Variants in ENTREP2 observed in about 807,000 individuals in gnomAD.
The protein encoded by ENTREP2 is endosomal transmembrane epsin interactor 2, also known as protein ENTREP2.
the ENTREP2 span, among the ~76,000 whole-genome samples, chr15:29,158,970 G>A: frequency 2.6e-5 from 4 of 152,320 alleles, no homozygotes; most frequent in East Asian, 5.8e-4. Flanking sequence ...ACAGAGAAAA[G>A]CGACAGCAAT....
At chr15:29,168,821 G>C in the ENTREP2 span, among the ~76,000 whole-genome samples, 2 of 152,092 alleles carry the variant, frequency 1.3e-5, no homozygotes, top group Non-Finnish European at 2.9e-5. Flanking sequence ...TTTAACTCTG[G>C]GCAAGGACCC....
the ENTREP2 span, among the ~76,000 whole-genome samples, chr15:29,207,605 C>T: frequency 6.6e-6 from 1 of 152,076 alleles, no homozygotes; most frequent in Non-Finnish European, 1.5e-5. Context: ...CTGATTAGTG[C>T]ATTTTACAGA....
At chr15:29,395,866 A>T in the ENTREP2 span, among the ~76,000 whole-genome samples, 1 of 151,990 alleles carries the variant, frequency 6.6e-6, no homozygotes, top group Admixed American at 6.6e-5. Flanking sequence ...CTCCTTAAGG[A>T]TTAGTGATGT....
chr15:29,371,206 AG>A, the ENTREP2 span, among the ~76,000 whole-genome samples: 1 of 152,114 alleles, frequency 6.6e-6, no homozygotes, highest in Non-Finnish European at 1.5e-5. Context: ...TTCATCCCCC[AG>A]GAAGACTAAA....
the ENTREP2 span, among the ~76,000 whole-genome samples, chr15:29,289,289 G>A: frequency 6.6e-6 from 1 of 151,834 alleles, no homozygotes; most frequent in Admixed American, 6.6e-5. Flanking sequence ...GCATCTAAAT[G>A]TCAAGTAAGC....
the ENTREP2 span, among the ~76,000 whole-genome samples, chr15:29,260,987 AC>A: frequency 6.6e-6 from 1 of 152,212 alleles, no homozygotes; most frequent in Non-Finnish European, 1.5e-5. Flanking sequence ...ACAAGACTTA[AC>A]AAAATCATAA....
chr15:29,669,066 C>A, the ENTREP2 span, among the ~76,000 whole-genome samples: 1 of 152,102 alleles, frequency 6.6e-6, no homozygotes, highest in South Asian at 2.1e-4. Context: ...ATTAGCTGAG[C>A]GTGGTGGCAC....
the ENTREP2 span, among the ~76,000 whole-genome samples, chr15:29,208,003 G>A: frequency 6.6e-6 from 1 of 152,110 alleles, no homozygotes; most frequent in Admixed American, 6.5e-5. Context: ...CCCCACGCTG[G>A]CCCCTCCTAG....
At chr15:29,283,667 A>C in the ENTREP2 span, among the ~76,000 whole-genome samples, 1 of 152,356 alleles carries the variant, frequency 6.6e-6, no homozygotes, top group Admixed American at 6.5e-5. Flanking sequence ...GTTTGAAGGA[A>C]GGAGACAGCC....
At chr15:29,375,935 A>G in the ENTREP2 span, 2 of 152,322 alleles carry the variant, frequency 1.3e-5, no homozygotes, top group Middle Eastern at 6.8e-3. Context: ...GATAAAGCTT[A>G]GCAATAAAAA....
the ENTREP2 span, among the ~76,000 whole-genome samples, chr15:29,170,307 C>CAAAAAAAAAAAAAAAAA: frequency 1.7e-5 from 1 of 57,370 alleles, no homozygotes; most frequent in East Asian, 5.3e-4. Context: ...GACTCCATCT[C>CAAAAAAAAAAAAAAAAA]AAAAAAAAAA....
the ENTREP2 span, among the ~76,000 whole-genome samples, chr15:29,348,565 A>G: frequency 1.3e-5 from 2 of 152,128 alleles, no homozygotes; most frequent in South Asian, 4.1e-4. Context: ...GAGAATGTGG[A>G]GTCTTCGGAG....
At chr15:29,273,237 C>T in the ENTREP2 span, among the ~76,000 whole-genome samples, 7 of 140,914 alleles carry the variant, frequency 5.0e-5, no homozygotes, top group East Asian at 2.1e-4. Flanking sequence ...TGCGCTCTGT[C>T]GCCCAGGCTG....
At chr15:29,219,736 C>G in the ENTREP2 span, among the ~76,000 whole-genome samples, 1 of 146,796 alleles carries the variant, frequency 6.8e-6, no homozygotes, top group Non-Finnish European at 1.5e-5. Context: ...AGATTGGAGA[C>G]TACTATTCTA....
At chr15:29,343,027 T>TGGCG in the ENTREP2 span, among the ~76,000 whole-genome samples, 12 of 130,990 alleles carry the variant, frequency 9.2e-5, no homozygotes, top group South Asian at 5.6e-4. Context: ...TAAAAAGGAA[T>TGGCG]GGGGGGGGTG....
chr15:29,295,934 T>G, the ENTREP2 span, among the ~76,000 whole-genome samples: 1 of 152,316 alleles, frequency 6.6e-6, no homozygotes, highest in South Asian at 2.1e-4. Flanking sequence ...AGTGAAACCT[T>G]GGGGAAGAGG....
chr15:29,567,101 A>C, the ENTREP2 span, among the ~76,000 whole-genome samples: 1 of 152,196 alleles, frequency 6.6e-6, no homozygotes, highest in African/African-American at 2.4e-5. Context: ...CAGGACATCT[A>C]TCCACAAGGG....
chr15:29,660,014 C>A, the ENTREP2 span, among the ~76,000 whole-genome samples: 1 of 152,210 alleles, frequency 6.6e-6, no homozygotes, highest in Non-Finnish European at 1.5e-5. Flanking sequence ...GTTGCCCAGG[C>A]TGGTCTCGAA....
chr15:29,586,020 A>G, the ENTREP2 span, among the ~76,000 whole-genome samples: 1 of 152,206 alleles, frequency 6.6e-6, no homozygotes, highest in African/African-American at 2.4e-5. Context: ...TAATATACAA[A>G]TATTGACAGC....
Sources: gnomAD v4.1 joint callset for allele counts (sites outside exome capture counted in the v4.1 genomes callset) on GRCh38, gnomAD v4.1.1 for gene constraint, MANE v1.5 for transcripts, NCBI Gene and HGNC (gene_info 2026-07-23, HGNC 2026-07-21) for gene names.